Variants in CDH23 observed in about 807,000 individuals in gnomAD.
The protein encoded by CDH23 is cadherin related 23.
CDH23 carries 189 observed loss-of-function variants against 317.1 expected under a neutral mutation model. The ratio of observed to expected loss-of-function variants is 0.60; its 90% confidence interval spans 0.53 to 0.67. The LOEUF (loss-of-function observed/expected upper bound fraction) is 0.67, where lower values mean the gene tolerates loss of function less well. Ranked by LOEUF, CDH23 falls within the 30% of genes least tolerant of loss-of-function variation. The pLI is 0.00. For missense variants in CDH23, 4,401 were observed against 4,592.4 expected (o/e 0.96, Z 1.20); for synonymous variants, 1,839 against 1,876.8 (o/e 0.98, Z 0.52).
chr10:71,609,911 G>A (rs757286316), intron 9 of CDH23, among the ~76,000 whole-genome samples: 1 of 151,420 alleles, frequency 6.6e-6, no homozygotes, highest in Non-Finnish European at 1.5e-5. Flanking sequence ...TACCATGGAG[G>A]AATTTATCTA....
intron 1 of CDH23, among the ~76,000 whole-genome samples, chr10:71,426,082 G>A (rs1849064831): frequency 6.6e-6 from 1 of 152,188 alleles, no homozygotes; most frequent in Non-Finnish European, 1.5e-5. Flanking sequence ...CTCTGTCTTG[G>A]GGAGGGCAGG....
intron 38 of CDH23, among the ~76,000 whole-genome samples, chr10:71,759,890 C>T (rs369684966): frequency 0.17 from 5,131 of 30,934 alleles, 602 homozygotes; most frequent in South Asian, 0.21. Context: ...CACACATATA[C>T]ACACACACAT....
chr10:71,804,984 A>G (rs1181976141), intron 55 of CDH23, among the ~76,000 whole-genome samples: 1 of 152,228 alleles, frequency 6.6e-6, no homozygotes, highest in Admixed American at 6.5e-5. Flanking sequence ...AACAATCAGC[A>G]TGTATTAATT....
At position 71,412,478 on chromosome 10, in the gene CDH23, A is replaced by G. The variant is rs554373888; in HGVS notation, c.-6+15160A>G. 3.3e-5 allele frequency among the ~76,000 whole-genome samples: 5 copies of G among 152,184 alleles called. No individual in the cohort carries two copies. In the East Asian group the frequency reaches 9.6e-4, roughly 29 times the overall value. Reference sequence around the variant, plus strand: ...TTTCCTTACCAACACTTATTATTTTATTTTATTTTTCAGAGATGGTTGTCT... The same window carrying G: ...TTTCCTTACCAACACTTATTATTTTGTTTTATTTTTCAGAGATGGTTGTCT... On this transcript the variant is annotated intron_variant, in intron 1 of 69. Transcript: ENST00000224721.
At chr10:71,727,378 A>T (rs1189431053) in intron 30 of CDH23, among the ~76,000 whole-genome samples, 1 of 152,230 alleles carries the variant, frequency 6.6e-6, no homozygotes, top group African/African-American at 2.4e-5. Flanking sequence ...TAAGGTGAGA[A>T]TTTGAGGGCT....
chr10:71,707,070 C>T, intron 26 of CDH23, 21 bp downstream of exon 26: 1 of 1,591,614 alleles, frequency 6.3e-7, no homozygotes, highest in Non-Finnish European at 8.6e-7. Flanking sequence ...GGCCTCCGCC[C>T]ACCTGTGCAG....
intron 62 of CDH23, 50 bp from the exon 63 acceptor site, chr10:71,811,265 G>A: frequency 6.2e-7 from 1 of 1,613,116 alleles, no homozygotes; most frequent in Non-Finnish European, 8.5e-7. Flanking sequence ...GACTGTCGGT[G>A]GTGGGGGAAT....
At chr10:71,506,845 A>G (rs1453320504) in intron 3 of CDH23, among the ~76,000 whole-genome samples, 3 of 152,236 alleles carry the variant, frequency 2.0e-5, no homozygotes, top group Non-Finnish European at 2.9e-5. Flanking sequence ...ATGAGCAGGC[A>G]AGAGCCCATG....
At chr10:71,482,258 C>T (rs12774735) in intron 3 of CDH23, among the ~76,000 whole-genome samples, 22,983 of 152,070 alleles carry the variant, frequency 0.15, 1,835 homozygotes, top group East Asian at 0.22. Flanking sequence ...GTCTCTTTCC[C>T]TCCCCTTCTC....
chr10:71,603,678 C>A (rs1860365903), intron 9 of CDH23, among the ~76,000 whole-genome samples: 1 of 152,200 alleles, frequency 6.6e-6, no homozygotes, highest in Admixed American at 6.5e-5. Flanking sequence ...AGACTCCGGG[C>A]CCCAGGGCTG....
In CDH23 at chr10:71,732,122, C is replaced by G; in HGVS notation, c.3851C>G (p.Ser1284Trp). 6.2e-7 allele frequency: 1 copy of G among 1,614,008 alleles called. No homozygotes were observed. The highest frequency in any genetic ancestry group is 1.1e-5 in the South Asian group (1 of 91,076). The change falls in exon 32 of 70, where the codon TCG becomes TGG. Residue 1284 changes from serine to tryptophan, a missense_variant. By Grantham distance (177) the Ser-to-Trp change is radical. Around this residue, in one of 3 missense-constraint regions of CDH23, gnomAD observed 3,068 missense variants for 3,203.3 expected, o/e 0.96. Transcript: ENST00000224721. ...AAGACCAGCTACATGATGAATGTGT[C>G]GGCCACTGACCAGGCCCCGCCCTTC... ...ETKTSYMMNV[S>W]ATDQAPPFNQ...
At chr10:71,748,976 AAG>A (rs1223964202) in intron 38 of CDH23, 3 of 152,664 alleles carry the variant, frequency 2.0e-5, no homozygotes, top group Admixed American at 2.0e-4. Context: ...GGGTCCAGAG[AAG>A]AGAGGGCAGG....
At chr10:71,709,293 T>G (rs1865893042) in intron 27 of CDH23, 82 bp downstream of exon 27, 2 of 1,265,128 alleles carry the variant, frequency 1.6e-6, no homozygotes, top group South Asian at 2.5e-5. Context: ...GGCCTTTTGC[T>G]AAAGGCTGAA....
At position 71,617,263 on chromosome 10, in the gene CDH23, A is replaced by G. The variant is rs539249395; in HGVS notation, c.1004A>G (p.Asn335Ser). Residue 335 changes from asparagine to serine, a missense_variant, in exon 11 of 70, where the codon AAT (asparagine) becomes AGT (serine). Transcript: ENST00000224721. Reference protein sequence around the residue: ...PSDATVTTTFNILVIDINDNA... With the variant: ...PSDATVTTTFSILVIDINDNA... ...GACGCTACAGTCACCACGACCTTCA[A>G]TATCCTGGTTATTGACATCAATGAC... is the stretch of plus-strand genomic sequence containing the variant. 4.3e-6 allele frequency: 7 copies of G among 1,614,000 alleles called. No individual in the cohort carries two copies. The highest frequency in any genetic ancestry group is 2.2e-5 in the East Asian group (1 of 44,890).
chr10:71,731,988 G>A lies in CDH23; in HGVS notation c.3717G>A (p.Gly1239=), dbSNP rs751306469. The A allele has an allele frequency of 1.2e-6, 2 of 1,613,318 alleles. No individual in the cohort carries two copies. Among genetic ancestry groups the A allele is most frequent in the Admixed American group, 1.7e-5 (1 of 59,988 alleles). The change falls in exon 32 of 70, where the codon GGG becomes GGA. Residue 1239 remains glycine (G), a splice_region_variant and synonymous_variant. Transcript: ENST00000224721. ...IVVQATDRDS[G]DGGLVNYRIL... ...CACAGCCTCTGTGTCCTCCTACAGGGGATGGTGGCCTGGTGAACTACCGCA... is the reference window on the plus strand; with the variant it reads ...CACAGCCTCTGTGTCCTCCTACAGGAGATGGTGGCCTGGTGAACTACCGCA...
chr10:71,625,996 A>T (rs1272873829), intron 11 of CDH23, among the ~76,000 whole-genome samples: 2 of 152,242 alleles, frequency 1.3e-5, no homozygotes, highest in African/African-American at 2.4e-5. Flanking sequence ...TACAGGTGTC[A>T]CAGAAATCTC....
intron 3 of CDH23, among the ~76,000 whole-genome samples, chr10:71,493,247 AC>A (rs1419572734): frequency 6.6e-6 from 1 of 152,068 alleles, no homozygotes; most frequent in African/African-American, 2.4e-5. Context: ...AGCAGCTCAA[AC>A]TGCCCCTGAC....
intron 28 of CDH23, among the ~76,000 whole-genome samples, chr10:71,721,483 C>T (rs1042839641): frequency 6.6e-6 from 1 of 152,166 alleles, no homozygotes; most frequent in Non-Finnish European, 1.5e-5. Context: ...TCATTGTGCC[C>T]AGTCTAGAGA....
At chr10:71,687,772 TC>T (rs1361652305) in intron 19 of CDH23, 53 bp downstream of exon 19, 13 of 1,541,904 alleles carry the variant, frequency 8.4e-6, no homozygotes, top group Non-Finnish European at 1.2e-5. Flanking sequence ...CAGCCAGCAG[TC>T]ACGGCACCCA....
Sources: gnomAD v4.1 joint callset for allele counts (sites outside exome capture counted in the v4.1 genomes callset) on GRCh38, gnomAD v4.1.1 for gene constraint, gnomAD v4.1.1 regional missense constraint, MANE v1.5 for transcripts, NCBI Gene and HGNC (gene_info 2026-07-23, HGNC 2026-07-21) for gene names.